Variants in POU6F2 observed in about 807,000 individuals in gnomAD.
POU6F2 encodes the protein POU domain, class 6, transcription factor 2.
In POU6F2, 31 loss-of-function variants were observed where a neutral mutation model predicts 71.3. The observed-to-expected ratio is 0.43, with a 90% CI of 0.33 to 0.59. The LOEUF (loss-of-function observed/expected upper bound fraction) is 0.59, where lower values mean the gene tolerates loss of function less well. POU6F2 is among the 20% of genes least tolerant of loss of function. The pLI is 0.04. For synonymous variants in POU6F2, 347 were observed against 355.7 expected (o/e 0.98, Z 0.27); for missense variants, 783 against 856.8 (o/e 0.91, Z 1.07).
chr7:39,315,680 GA>G (rs1395039893), intron 4 of POU6F2, among the ~76,000 whole-genome samples: 1 of 152,084 alleles, frequency 6.6e-6, no homozygotes, highest in Non-Finnish European at 1.5e-5. Context: ...TTATCCCATG[GA>G]TCTCTCCCTT....
intron 5 of POU6F2, among the ~76,000 whole-genome samples, chr7:39,380,601 T>G (rs1180447959): frequency 6.6e-6 from 1 of 152,188 alleles, no homozygotes; most frequent in African/African-American, 2.4e-5. Context: ...GAATACTATA[T>G]TCTAGCAAAA....
Position 39,276,136 on chromosome 7 carries a change from T to G in POU6F2, c.599-63506T>G, listed in dbSNP as rs572923794. Among the ~76,000 whole-genome samples the G allele has an allele frequency of 2.6e-5, 4 of 151,752 alleles. No individual in the cohort carries two copies. The East Asian group carries it at 7.8e-4, about 30-fold the overall frequency. On this transcript the variant is annotated intron_variant, in intron 4 of 9. Transcript: ENST00000518318. ...AGGCAACCAGAAAATGGGAGAAAAT[T>G]TTCGCAACCTACTCATCTGACAAAG...
chr7:39,048,624 T>C (rs938516628), intron 1 of POU6F2, among the ~76,000 whole-genome samples: 2 of 152,030 alleles, frequency 1.3e-5, no homozygotes, highest in African/African-American at 2.4e-5. Context: ...TCGTTGTTAT[T>C]GTGAATAGTG....
At chr7:39,444,374 A>G (rs968595983) in intron 7 of POU6F2, among the ~76,000 whole-genome samples, 3 of 152,228 alleles carry the variant, frequency 2.0e-5, no homozygotes, top group African/African-American at 4.8e-5. Flanking sequence ...GCCTGAGCTC[A>G]GGAGTTCGAG....
At chr7:39,104,543 A>G (rs1791637224) in intron 2 of POU6F2, among the ~76,000 whole-genome samples, 1 of 152,062 alleles carries the variant, frequency 6.6e-6, no homozygotes, top group African/African-American at 2.4e-5. Context: ...GCAAGCATGG[A>G]GAGACAGGGG....
chr7:39,208,723 T>G (rs1236867190), intron 4 of POU6F2, among the ~76,000 whole-genome samples: 1 of 152,188 alleles, frequency 6.6e-6, no homozygotes, highest in East Asian at 1.9e-4. Flanking sequence ...AACCTGCCAT[T>G]CATAAATCAT....
In POU6F2 at chr7:39,016,681, G is replaced by A. The variant is rs1233733162; in HGVS notation, c.105+38623G>A. On this transcript the variant is annotated intron_variant, in intron 1 of 9. Coordinates refer to ENST00000518318, the MANE Select transcript of POU6F2 (RefSeq NM_001370959.1). ...TGAATGGTATGAAAGCTCATCACAC[G>A]AGACTTTGACCCTATCAGGGAAATC... Among the ~76,000 whole-genome samples, 3 of 152,248 alleles carry A rather than the reference G, an allele frequency of 2.0e-5. No homozygotes were observed. The East Asian group carries it at 5.8e-4, about 29-fold the overall frequency.
At chr7:39,271,356 A>G (rs1249472289) in intron 4 of POU6F2, among the ~76,000 whole-genome samples, 1 of 152,160 alleles carries the variant, frequency 6.6e-6, no homozygotes, top group Non-Finnish European at 1.5e-5. Context: ...TAAAACCTTT[A>G]TGATGTGGGT....
In POU6F2 at chr7:39,357,804, G is replaced by A. The variant is rs553969838; in HGVS notation, c.972+17789G>A. ...TTATGAAAAGGTTTGCAGGTGGCAC[G>A]GAGGGGAAGGGGCAAAGGGTTTCAT... is the stretch of plus-strand genomic sequence containing the variant. On this transcript the variant is annotated intron_variant, in intron 5 of 9. Transcript: ENST00000518318. Among the ~76,000 whole-genome samples, 16 of 152,304 alleles carry A rather than the reference G, an allele frequency of 1.1e-4. 1 individual carries two copies. The highest frequency in any genetic ancestry group is 6.2e-4 in the South Asian group (3 of 4,818).
chr7:39,397,066 G>A (rs1787188786), intron 5 of POU6F2, among the ~76,000 whole-genome samples: 1 of 151,982 alleles, frequency 6.6e-6, no homozygotes, highest in Non-Finnish European at 1.5e-5. Flanking sequence ...CCAGAGAAGA[G>A]CTAGGTCTTC....
intron 2 of POU6F2, among the ~76,000 whole-genome samples, chr7:39,118,027 G>C (rs4723825): frequency 0.24 from 37,095 of 151,986 alleles, 5,221 homozygotes; most frequent in East Asian, 0.55. Flanking sequence ...TCCTTCCCCT[G>C]CTCACCTTGT....
At chr7:39,426,796 A>G (rs887223907) in intron 6 of POU6F2, among the ~76,000 whole-genome samples, 9 of 152,160 alleles carry the variant, frequency 5.9e-5, no homozygotes, top group Non-Finnish European at 1.2e-4. Context: ...CAGATTTTTC[A>G]AAAATTCTGT....
At chr7:39,365,927 T>C (rs556252319) in intron 5 of POU6F2, among the ~76,000 whole-genome samples, 2 of 152,314 alleles carry the variant, frequency 1.3e-5, no homozygotes, top group African/African-American at 2.4e-5. Flanking sequence ...AGCACAGTTA[T>C]AGGTTTTTCT....
chr7:38,981,246 C>G (rs959093200), intron 1 of POU6F2, among the ~76,000 whole-genome samples: 2 of 152,192 alleles, frequency 1.3e-5, no homozygotes, highest in Admixed American at 1.3e-4. Context: ...ATTTCCATCT[C>G]TTATGGCCAT....
intron 4 of POU6F2, among the ~76,000 whole-genome samples, chr7:39,318,451 T>C (rs1305617454): frequency 3.9e-5 from 6 of 152,300 alleles, no homozygotes; most frequent in Non-Finnish European, 8.8e-5. Flanking sequence ...AAATATGTGC[T>C]GAACACTGAA....
rs558635567 is a variant in POU6F2, at chr7:39,235,499, C to T, written c.598+27879C>T. Among the ~76,000 whole-genome samples, 5 of 152,292 alleles carry T rather than the reference C, an allele frequency of 3.3e-5. No homozygotes were observed. The East Asian group carries it at 5.8e-4, about 18-fold the overall frequency. On this transcript the variant is annotated intron_variant, in intron 4 of 9. Coordinates refer to ENST00000518318, the MANE Select transcript of POU6F2 (RefSeq NM_001370959.1). ...TCACCACCGGGCCACCCTGCCCCTT[C>T]TCCTGCCAGTCCACTGGGCTTTCTC...
intron 2 of POU6F2, among the ~76,000 whole-genome samples, chr7:39,185,887 T>TTATATG (rs892238480): frequency 5.4e-5 from 8 of 148,348 alleles, no homozygotes; most frequent in African/African-American, 9.9e-5. Context: ...ATGTATATAT[T>TTATATG]TATATGTATA....
At chr7:39,186,824 C>T (rs1236561911) in intron 2 of POU6F2, among the ~76,000 whole-genome samples, 4 of 152,160 alleles carry the variant, frequency 2.6e-5, no homozygotes, top group Admixed American at 2.6e-4. Flanking sequence ...TCTTCCCCTC[C>T]TGACACACCT....
At chr7:39,283,889 G>C (rs1439131996) in intron 4 of POU6F2, among the ~76,000 whole-genome samples, 1 of 152,128 alleles carries the variant, frequency 6.6e-6, no homozygotes, top group East Asian at 1.9e-4. Context: ...TGTGACACGT[G>C]CATTATTAAA....
Sources: allele counts gnomAD v4.1 joint callset (sites outside exome capture counted in the v4.1 genomes callset), GRCh38; gene constraint gnomAD v4.1.1; transcripts MANE v1.5; gene names NCBI Gene and HGNC (gene_info 2026-07-23, HGNC 2026-07-21).